The following TLE2 variants were observed in gnomAD, a reference collection of about 807,000 sequenced individuals.
TLE2 encodes the protein transducin-like enhancer protein 2.
Under a neutral mutation model 97.2 loss-of-function variants are expected in TLE2, and 74 were observed. The ratio of observed to expected loss-of-function variants is 0.76; its 90% CI spans 0.63 to 0.92. The LOEUF is 0.92. Ranked by LOEUF, TLE2 falls within the 40% of genes least tolerant of loss-of-function variation. The pLI, the probability that TLE2 is intolerant of heterozygous loss-of-function variation, is 0.00. For missense variants in TLE2, 1,038 were observed against 1,008.7 expected, an observed-to-expected ratio of 1.03 and a Z score of -0.39; for synonymous variants, 499 against 432.1, an observed-to-expected ratio of 1.15 and a Z score of -1.92.
chr19:3,036,383 C>CCTGCCGG (rs1485905241), intron 1 of TLE2, among the ~76,000 whole-genome samples: 1 of 152,254 alleles, frequency 6.6e-6, no homozygotes, highest in Non-Finnish European at 1.5e-5. Context: ...CCGCTCCCTC[C>CCTGCCGG]CTGCCGGCTC....
rs766342846 is a variant in TLE2, at chr19:3,006,649, G to C, written c.1271C>G (p.Ser424Cys). Residue 424 changes from serine (S) to cysteine (C), a missense_variant, in exon 15 of 20, where the codon TCT becomes TGT. By Grantham distance (112) the Ser-to-Cys change is moderately radical. Transcript: ENST00000262953. ...AACCGGCTGCATCTGCCCGTCCGCA[G>C]ACACGTGGAAGGAGTAGGCCCTGGA... ...GGKPAYSFHV[S>C]ADGQMQPVPF... 1 of 1,606,566 alleles carries C rather than the reference G, an allele frequency of 6.2e-7. No individual in the cohort carries two copies. Among genetic ancestry groups the C allele is most frequent in the Admixed American group, 1.7e-5 (1 of 59,680 alleles).
rs769036489 is a variant in TLE2, at chr19:3,008,940, T to C, written c.1179A>G (p.Ala393=). The change falls in exon 14 of 20, where the codon GCA becomes GCG. Residue 393 remains alanine (A), a synonymous_variant. Coordinates refer to ENST00000262953, the MANE Select transcript of TLE2 (RefSeq NM_003260.5). The part of the protein sequence containing the change: ...SVVYGRSPVM[A]FESHPHLRGS... Reference sequence around the variant, plus strand: ...CTCGGAGATGGGGATGAGACTCAAATGCCATCTGTGAGAATGCCAGGGGGG... The same window carrying C: ...CTCGGAGATGGGGATGAGACTCAAACGCCATCTGTGAGAATGCCAGGGGGG... 1.4e-5 allele frequency: 23 copies of C among 1,587,318 alleles called. No individual in the cohort carries two copies. The highest frequency in any genetic ancestry group is 1.8e-5 in the Non-Finnish European group (21 of 1,166,940).
At chr19:3,001,019 A>T (rs1232593742) in intron 18 of TLE2, among the ~76,000 whole-genome samples, 1 of 151,842 alleles carries the variant, frequency 6.6e-6, no homozygotes, top group African/African-American at 2.4e-5. Flanking sequence ...TAACACCCGT[A>T]ATCCCCACTT....
chr19:3,029,567 G>C (rs906004410), upstream of TLE2: 61 of 746,584 alleles, frequency 8.2e-5, 3 homozygotes, highest in Non-Finnish European at 9.3e-5. Flanking sequence ...GCGGGGGGGG[G>C]GGCTTGCGGG....
intron 18 of TLE2, among the ~76,000 whole-genome samples, chr19:3,001,955 G>A (rs189896283): frequency 3.3e-5 from 5 of 151,828 alleles, no homozygotes; most frequent in African/African-American, 7.2e-5. Flanking sequence ...CCACCACCAC[G>A]CCTGGCTAAT....
Position 2,997,975 on chromosome 19 carries a change from A to G in TLE2, c.2125-20T>C, listed in dbSNP as rs1310517766. On this transcript the variant is annotated intron_variant, in intron 19 of 19. Coordinates refer to ENST00000262953, the MANE Select transcript of TLE2 (RefSeq NM_003260.5). ...CTTGGACTGCCAAGGGAAGGGAGAG[A>G]GAAAAGGGCACAGTGAGGCATGGTC... The G allele has an allele frequency of 6.3e-7, 1 of 1,576,904 alleles. No homozygotes were observed. The highest frequency in any genetic ancestry group is 8.7e-7 in the Non-Finnish European group (1 of 1,151,628).
At chr19:3,021,109 A>AT (rs2089830226) in intron 5 of TLE2, among the ~76,000 whole-genome samples, 1 of 118,738 alleles carries the variant, frequency 8.4e-6, no homozygotes, top group African/African-American at 3.1e-5. Context: ...AAAAAAAAAA[A>AT]AAAAAGGGGG....
chr19:2,997,868 C>A lies in TLE2; in HGVS notation c.2212G>T (p.Val738Leu). 2 of 1,610,188 alleles carry A rather than the reference C, an allele frequency of 1.2e-6. No homozygotes were observed. Among genetic ancestry groups the A allele is most frequent in the East Asian group, 4.5e-5 (2 of 44,808 alleles). ...ATGTCTCAGTAGACCACCTCATACACGGTGGCCTTCTTGTCCCCCGAGCCT... is the reference window on the plus strand; with the variant it reads ...ATGTCTCAGTAGACCACCTCATACAAGGTGGCCTTCTTGTCCCCCGAGCCT... Reference protein sequence around the residue: ...VTGSGDKKATVYEVVY With the variant: ...VTGSGDKKATLYEVVY The change falls in exon 20 of 20, where the codon GTG becomes TTG. Residue 738 changes from valine (V) to leucine (L), a missense_variant. Transcript: ENST00000262953.
At chr19:3,034,542 A>T (rs185812674) in intron 1 of TLE2, among the ~76,000 whole-genome samples, 1 of 150,054 alleles carries the variant, frequency 6.7e-6, no homozygotes, top group South Asian at 2.1e-4. Flanking sequence ...CCTGCTTGTT[A>T]TCTCTTCCTG....
At chr19:3,009,902 TTG>T (rs1193649381) in intron 12 of TLE2, among the ~76,000 whole-genome samples, 200 bp from the exon 13 acceptor site, 24 of 145,518 alleles carry the variant, frequency 1.6e-4, no homozygotes, top group African/African-American at 5.9e-4. Flanking sequence ...TTTCTTTTGT[TTG>T]AGATGGAATC....
chr19:3,040,673 G>A (rs1158831801), intron 1 of TLE2, among the ~76,000 whole-genome samples: 2 of 146,108 alleles, frequency 1.4e-5, no homozygotes, highest in Admixed American at 6.8e-5. Flanking sequence ...TTTAAGACAA[G>A]GTCTCACTCC....
chr19:3,047,359 C>G (rs1170082505), upstream of TLE2, among the ~76,000 whole-genome samples: 1 of 141,910 alleles, frequency 7.0e-6, no homozygotes, highest in Non-Finnish European at 1.6e-5. Context: ...CCCCAGGACG[C>G]CTCCTGCCAC....
intron 17 of TLE2, among the ~76,000 whole-genome samples, chr19:3,003,820 G>A (rs1011473652): frequency 6.6e-6 from 1 of 151,806 alleles, no homozygotes; most frequent in Admixed American, 6.6e-5. Flanking sequence ...TGATCCTCCC[G>A]CCTCAGCCTC....
chr19:3,027,282 G>A (rs780454265), intron 4 of TLE2, among the ~76,000 whole-genome samples: 6 of 152,234 alleles, frequency 3.9e-5, no homozygotes, highest in Non-Finnish European at 8.8e-5. Flanking sequence ...GAGTTTTGAG[G>A]TCTATTTTGG....
At chr19:3,035,968 G>T (rs911120437) in intron 1 of TLE2, among the ~76,000 whole-genome samples, 1 of 152,204 alleles carries the variant, frequency 6.6e-6, no homozygotes, top group Admixed American at 6.5e-5. Flanking sequence ...TTCAAAACAA[G>T]GGACCCTCGT....
chr19:3,002,414 C>T lies in TLE2; in HGVS notation c.1986G>A (p.Pro662=), dbSNP rs542424840. The T allele has an allele frequency of 1.1e-4, 177 of 1,613,638 alleles. No homozygotes were observed. The highest frequency in any genetic ancestry group is 1.2e-4 in the Non-Finnish European group (145 of 1,179,818). Residue 662 remains proline, a synonymous_variant, in exon 18 of 20, where the codon CCG becomes CCA. Coordinates refer to ENST00000262953, the MANE Select transcript of TLE2 (RefSeq NM_003260.5). ...CGTGGAGGTGCAGCTGGTATTTCTC[C>T]GGCTTGCGGACGTGCAGGATCTCCA... The part of the protein sequence containing the change: ...SNVEILHVRK[P]EKYQLHLHES...
intron 5 of TLE2, among the ~76,000 whole-genome samples, chr19:3,021,049 A>G (rs2145185836): frequency 1.5e-5 from 2 of 133,678 alleles, no homozygotes; most frequent in Admixed American, 8.5e-5. Flanking sequence ...AGATTGCACC[A>G]CTGCACTCCA....
In TLE2 at chr19:3,029,107, G is replaced by A; in HGVS notation, c.-203C>T. 1 of 1,198,580 alleles carries A rather than the reference G, an allele frequency of 8.3e-7. No individual in the cohort carries two copies. The allele number at this position is 1,198,580 out of a possible 1,614,324, so 74.2% of individuals were successfully genotyped here. On this transcript the variant is annotated 5_prime_UTR_variant, in exon 1 of 20. Coordinates refer to ENST00000262953, the MANE Select transcript of TLE2 (RefSeq NM_003260.5). ...CGGGGTCGTGGGAGCCCCTCCCCGG[G>A]TTGGGGTGCGCGGGGCGAGCGGGGC...
intron 5 of TLE2, among the ~76,000 whole-genome samples, chr19:3,021,114 A>AAAAAAAAAAAG (rs752326503): frequency 4.4e-5 from 2 of 45,458 alleles, no homozygotes; most frequent in Admixed American, 6.8e-4. Flanking sequence ...AAAAAAAAAA[A>AAAAAAAAAAAG]GGGGGGGGGG....
Sources: allele counts gnomAD v4.1 joint callset (sites outside exome capture counted in the v4.1 genomes callset), GRCh38; gene constraint gnomAD v4.1.1; transcripts MANE v1.5; gene names NCBI Gene and HGNC (gene_info 2026-07-23, HGNC 2026-07-21).